ZAP70: variants seen among roughly 807,000 people sequenced by gnomAD.
ZAP70 encodes the protein zeta chain of T cell receptor associated protein kinase 70.
In ZAP70, 27 loss-of-function variants were observed where a neutral mutation model predicts 65.8. The observed-to-expected ratio is 0.41, with a 90% CI of 0.30 to 0.57. The LOEUF is 0.57. Among genes scored for constraint, ZAP70 ranks in the 20% least tolerant of loss-of-function variants. The pLI, the probability that ZAP70 is intolerant of heterozygous loss-of-function variation, is 0.28. For synonymous variants in ZAP70, 363 were observed against 360.8 expected, an observed-to-expected ratio of 1.01 and a Z score of -0.07; for missense variants, 696 against 870.5, an observed-to-expected ratio of 0.80 and a Z score of 2.52.
chr2:97,735,307 G>C lies in ZAP70; in HGVS notation c.1140G>C (p.Thr380=), dbSNP rs202016798. ...AGCAGGGCACGGAGAAGGCAGACACGGAAGAGATGATGCGCGAGGCGCAGA... is the reference window on the plus strand; with the variant it reads ...AGCAGGGCACGGAGAAGGCAGACACCGAAGAGATGATGCGCGAGGCGCAGA... ...VLKQGTEKAD[T]EEMMREAQIM... Residue 380 remains threonine (T), a synonymous_variant, in exon 10 of 14, where the codon ACG becomes ACC. Coordinates refer to ENST00000264972, the MANE Select transcript of ZAP70 (RefSeq NM_001079.4). 6.2e-7 allele frequency: 1 copy of C among 1,614,132 alleles called. No homozygotes were observed. Among genetic ancestry groups the C allele is most frequent in the Non-Finnish European group, 8.5e-7 (1 of 1,179,984 alleles).
the ZAP70 span, among the ~76,000 whole-genome samples, chr2:97,753,860 G>A: frequency 1.4e-3 from 210 of 152,200 alleles, 1 homozygote; most frequent in African/African-American, 4.6e-3. Context: ...GTGGTGGTCC[G>A]TGTCTTTTGT....
intron 3 of ZAP70, chr2:97,724,812 CCA>C: frequency 6.6e-7 from 1 of 1,512,894 alleles, no homozygotes; most frequent in South Asian, 1.2e-5. Context: ...CAGTAGTCGT[CCA>C]CAGCCTGAGT....
chr2:97,738,064 C>T lies in ZAP70; in HGVS notation c.1693C>T (p.Pro565Ser). 1.2e-6 allele frequency: 2 copies of T among 1,611,186 alleles called. No individual in the cohort carries two copies. The highest frequency in any genetic ancestry group is 2.2e-5 in the South Asian group (2 of 90,650). The change falls in exon 13 of 14, where the codon CCA becomes TCA. Residue 565 changes from proline (P) to serine (S), a missense_variant. Transcript: ENST00000264972. ...GKRMECPPECPPELYALMSDC... is the reference protein window; with the variant it reads ...GKRMECPPECSPELYALMSDC... ...GCGGATGGAGTGCCCACCAGAGTGT[C>T]CACCCGAACTGTACGCACTCATGAG...
rs371603900 is a variant in ZAP70 at position 97,717,151 on chromosome 2, A to G, written c.-22+3157A>G. On this transcript the variant is annotated intron_variant, in intron 2 of 13. Coordinates refer to ENST00000264972, the MANE Select transcript of ZAP70 (RefSeq NM_001079.4). ...CAGGCGGCCCGAGCACAGCTGGGGG[A>G]TTAAGGAGCAGGGAACATGGCTTCA... Among the ~76,000 whole-genome samples the G allele has an allele frequency of 3.8e-4, 58 of 151,918 alleles. 3 individuals are homozygous for G. The South Asian group carries it at 0.012, about 31-fold the overall frequency.
chr2:97,729,770 T>C (rs1677529590), intron 4 of ZAP70, among the ~76,000 whole-genome samples: 1 of 151,926 alleles, frequency 6.6e-6, no homozygotes, highest in African/African-American at 2.4e-5. Flanking sequence ...TACTGAAATA[T>C]ATGTGGTGAT....
intron 2 of ZAP70, among the ~76,000 whole-genome samples, chr2:97,722,280 C>T (rs1677193800): frequency 6.6e-6 from 1 of 152,068 alleles, no homozygotes; most frequent in African/African-American, 2.4e-5. Context: ...CGGGGTTTCA[C>T]CATGTTAGCC....
chr2:97,735,110 C>A (rs1229102036), intron 9 of ZAP70, 140 bp from the exon 10 acceptor site: 5 of 994,906 alleles, frequency 5.0e-6, no homozygotes, highest in Non-Finnish European at 7.5e-6. Flanking sequence ...GGACATTGAG[C>A]GCCTTGGTCC....
chr2:97,740,597 T>A (rs576828570), downstream of ZAP70, among the ~76,000 whole-genome samples: 2 of 152,142 alleles, frequency 1.3e-5, no homozygotes, highest in African/African-American at 4.8e-5. Context: ...AAAAAATGGG[T>A]GTCAAGTACA....
In ZAP70 at chr2:97,721,061, T is replaced by C. The variant is rs116886811; in HGVS notation, c.-21-2955T>C. ...AGTAGCCTTGCTGGGCCTATGTTAG[T>C]AGAGAAACAACTCAGAACCGCTATG... On this transcript the variant is annotated intron_variant, in intron 2 of 13. Coordinates refer to ENST00000264972, the MANE Select transcript of ZAP70 (RefSeq NM_001079.4). Among the ~76,000 whole-genome samples, 172 of 152,332 alleles carry C rather than the reference T, an allele frequency of 1.1e-3. 5 individuals carry two copies. In the East Asian group the frequency reaches 0.032, roughly 29 times the overall value.
intron 4 of ZAP70, among the ~76,000 whole-genome samples, chr2:97,727,279 C>A (rs180816405): frequency 6.6e-6 from 1 of 152,320 alleles, no homozygotes; most frequent in Non-Finnish European, 1.5e-5. Flanking sequence ...AACGGTTGGT[C>A]GTAGGATTGG....
intron 2 of ZAP70, among the ~76,000 whole-genome samples, chr2:97,717,436 G>A (rs1051921363): frequency 2.0e-5 from 3 of 148,716 alleles, no homozygotes; most frequent in African/African-American, 4.9e-5. Flanking sequence ...GGTGACATGT[G>A]GAGCCTCTGG....
intron 3 of ZAP70, chr2:97,724,664 T>G (rs959527712): frequency 4.6e-6 from 7 of 1,528,736 alleles, no homozygotes; most frequent in Non-Finnish European, 6.1e-6. Context: ...GCTATGGTGC[T>G]CTACTATGCC....
Position 97,736,159 on chromosome 2 carries a change from C to T in ZAP70, c.1289+703C>T, listed in dbSNP as rs372093029. On this transcript the variant is annotated intron_variant, in intron 10 of 13. Coordinates refer to ENST00000264972, the MANE Select transcript of ZAP70 (RefSeq NM_001079.4). This position sits in a 1 kb window ranked among gnomAD's most constrained non-coding sequence, Gnocchi z 4.0. ...GAACCTGCCCTTTGTTTACGTGCTG[C>T]GTGGTTTTCTATTTTTAATTTTTTT... is the stretch of plus-strand genomic sequence containing the variant. Among the ~76,000 whole-genome samples the T allele has an allele frequency of 9.2e-5, 14 of 152,076 alleles. No individual in the cohort carries two copies. Among genetic ancestry groups the T allele is most frequent in the East Asian group, 5.8e-4 (3 of 5,186 alleles).
the ZAP70 span, among the ~76,000 whole-genome samples, chr2:97,746,383 TAC>T: frequency 6.6e-6 from 1 of 152,196 alleles, no homozygotes; most frequent in Admixed American, 6.5e-5. Flanking sequence ...CCACAAAATA[TAC>T]AGTTACTCTC....
rs76059124 is a variant in ZAP70 at position 97,732,972 on chromosome 2, C to T, written c.653C>T (p.Ala218Val). ...CACTACCTCATCAGCCAAGACAAGG[C>T]GGGCAAGTACTGCATTCCCGAGGGC... Reference protein sequence around the residue: ...VYHYLISQDKAGKYCIPEGTK... With the variant: ...VYHYLISQDKVGKYCIPEGTK... Residue 218 changes from alanine (A) to valine (V), a missense_variant, in exon 5 of 14, where the codon GCG becomes GTG. Physicochemically the swap from Ala to Val is moderately conservative, Grantham distance 64 (BLOSUM62 0). Transcript: ENST00000264972. The T allele has an allele frequency of 5.0e-6, 8 of 1,614,122 alleles. No individual in the cohort carries two copies. The highest frequency in any genetic ancestry group is 2.2e-5 in the East Asian group (1 of 44,884).
chr2:97,739,981 T>C (rs537452303), downstream of ZAP70: 1 of 159,750 alleles, frequency 6.3e-6, no homozygotes, highest in East Asian at 1.9e-4. Flanking sequence ...CCTGGGAAGA[T>C]GGGGCTGGGT....
At chr2:97,729,717 C>G (rs1393272558) in intron 4 of ZAP70, among the ~76,000 whole-genome samples, 2 of 150,824 alleles carry the variant, frequency 1.3e-5, no homozygotes, top group African/African-American at 4.9e-5. Flanking sequence ...CTGCCACTAC[C>G]TAGCATTTTT....
At chr2:97,733,267 C>T (rs1193523667) in intron 6 of ZAP70, 30 bp from the exon 7 acceptor site, 3 of 1,609,046 alleles carry the variant, frequency 1.9e-6, no homozygotes, top group Middle Eastern at 1.7e-4. Context: ...ACCTGGCCCC[C>T]AGCCCTCACT....
In ZAP70 at chr2:97,723,990, G is replaced by GCCT. The variant is rs749328560; in HGVS notation, c.-21-23_-21-21dup. 355 of 1,535,776 alleles carry GCCT rather than the reference G, an allele frequency of 2.3e-4. 1 individual carries two copies. The highest frequency in any genetic ancestry group is 6.6e-4 in the East Asian group (27 of 41,018). ...ACCAGGTTCAGGAAGGCCCTGACGTGCCTCCGACCCTCTGTGAACCCGCAG... is the reference window on the plus strand; with the variant it reads ...ACCAGGTTCAGGAAGGCCCTGACGTGCCTCCTCCGACCCTCTGTGAACCCGCAG... On this transcript the variant is annotated intron_variant, in intron 2 of 13. Transcript: ENST00000264972.
Sources: gnomAD v4.1 joint callset for allele counts (sites outside exome capture counted in the v4.1 genomes callset) on GRCh38, gnomAD v4.1.1 for gene constraint, Gnocchi (gnomAD v3.1) non-coding constraint, MANE v1.5 for transcripts, NCBI Gene and HGNC (gene_info 2026-07-23, HGNC 2026-07-21) for gene names.